The following SEZ6 variants were observed in gnomAD, a reference collection of about 807,000 sequenced individuals.
SEZ6 encodes seizure related 6 homolog, also known as seizure protein 6 homolog.
A neutral mutation model predicts 101.0 loss-of-function variants in SEZ6; 53 were observed. That is an observed-to-expected ratio of 0.52 (90% CI 0.42 to 0.66). The LOEUF is 0.66. Ranked by LOEUF, SEZ6 falls within the 30% of genes least tolerant of loss-of-function variation. The probability of loss-of-function intolerance (pLI) is 0.00; values close to 1 mark genes in which losing one functional copy is unlikely to be tolerated. For missense variants in SEZ6, 1,102 were observed against 1,289.4 expected (o/e 0.85, Z 2.23); for synonymous variants, 488 against 512.2 (o/e 0.95, Z 0.64).
rs1047478756 is a variant in SEZ6 at position 29,005,414 on chromosome 17, C to A, written c.55+401G>T. 1.3e-5 allele frequency among the ~76,000 whole-genome samples: 2 copies of A among 152,130 alleles called. No individual in the cohort carries two copies. Among genetic ancestry groups the A allele is most frequent in the South Asian group, 2.1e-4 (1 of 4,834 alleles). On this transcript the variant is annotated intron_variant, in intron 1 of 16. Transcript: ENST00000317338. The surrounding 1 kb of genome is among the most constrained non-coding windows in gnomAD (Gnocchi z 4.8). ...GCGGGCGGCAGGGGAAGCGGGACCA[C>A]GGGCCGCCAGCTGGACCGTCCCGAC...
In SEZ6 at chr17:28,959,539, G is replaced by A. The variant is rs897025631; in HGVS notation, c.1772-67C>T. ...CCATGGTGTTGCTTACCATCTGCCCGCAGGAGTGCCCACAAATTGCTGGGA... is the reference window on the plus strand; with the variant it reads ...CCATGGTGTTGCTTACCATCTGCCCACAGGAGTGCCCACAAATTGCTGGGA... On this transcript the variant is annotated intron_variant, in intron 8 of 16. Transcript: ENST00000317338. This position sits in a 1 kb window ranked among gnomAD's most constrained non-coding sequence, Gnocchi z 4.4. The A allele has an allele frequency of 1.8e-5, 29 of 1,577,852 alleles. 1 individual carries two copies. In the African/African-American group the frequency reaches 2.1e-4, roughly 12 times the overall value.
rs1370261048 is a variant in SEZ6 at position 29,005,875 on chromosome 17, T to C, written c.-6A>G. On this transcript the variant is annotated 5_prime_UTR_variant, in exon 1 of 17. Coordinates refer to ENST00000317338, the MANE Select transcript of SEZ6 (RefSeq NM_178860.5). The surrounding 1 kb of genome is among the most constrained non-coding windows in gnomAD (Gnocchi z 4.8). ...AGCAGGGCTACCGGGCGCATGGTGCTGGTTGCGGCCGCGCCCTGGGCTGGG... is the reference window on the plus strand; with the variant it reads ...AGCAGGGCTACCGGGCGCATGGTGCCGGTTGCGGCCGCGCCCTGGGCTGGG... 5 of 1,455,094 alleles carry C rather than the reference T, an allele frequency of 3.4e-6. No individual in the cohort carries two copies. Among genetic ancestry groups the C allele is most frequent in the Admixed American group, 2.3e-5 (1 of 44,182 alleles). 90.1% of individuals were successfully genotyped at this position (1,455,094 alleles called of 1,614,324 possible).
intron 3 of SEZ6, among the ~76,000 whole-genome samples, chr17:28,974,454 A>G (rs2041194960): frequency 1.3e-5 from 2 of 152,214 alleles, no homozygotes; most frequent in African/African-American, 2.4e-5. Context: ...GCTCCCTCAC[A>G]GCAACCATAG....
chr17:28,994,520 C>T (rs1360185829), intron 1 of SEZ6, among the ~76,000 whole-genome samples: 2 of 151,464 alleles, frequency 1.3e-5, no homozygotes, highest in Admixed American at 6.6e-5. Flanking sequence ...ATGATCCGCC[C>T]GCCTCAGCCT....
At chr17:28,980,980 C>G (rs550785147) in intron 2 of SEZ6, among the ~76,000 whole-genome samples, 1 of 152,236 alleles carries the variant, frequency 6.6e-6, no homozygotes, top group African/African-American at 2.4e-5. Flanking sequence ...ACTGCAACCT[C>G]TGCCTCCCAG....
Position 28,979,668 on chromosome 17 carries a change from C to G in SEZ6, c.858+12G>C. The G allele has an allele frequency of 6.2e-7, 1 of 1,613,920 alleles. No homozygotes were observed. Among genetic ancestry groups the G allele is most frequent in the Non-Finnish European group, 8.5e-7 (1 of 1,179,834 alleles). On this transcript the variant is annotated intron_variant, in intron 3 of 16. Transcript: ENST00000317338. ...GCCCCAGCTTTGCCCTTGCCAGATC[C>G]AGATCACTCACCTTGATTTCCACGC... is the stretch of plus-strand genomic sequence containing the variant.
chr17:28,968,346 C>T (rs529449543), intron 4 of SEZ6, among the ~76,000 whole-genome samples: 1 of 152,358 alleles, frequency 6.6e-6, no homozygotes, highest in Admixed American at 6.5e-5. Context: ...CCAGCTCTTC[C>T]AGCCCTTCCT....
At chr17:28,990,780 T>C (rs1219426781) in intron 1 of SEZ6, among the ~76,000 whole-genome samples, 1 of 151,692 alleles carries the variant, frequency 6.6e-6, no homozygotes, top group East Asian at 1.9e-4. Context: ...GACTCCCGAA[T>C]AATAGTAATA....
intron 1 of SEZ6, 130 bp from the exon 2 acceptor site, chr17:28,982,169 T>C (rs1319364133): frequency 1.4e-6 from 2 of 1,413,794 alleles, no homozygotes; most frequent in African/African-American, 2.9e-5. Flanking sequence ...CTGCTGAGAA[T>C]CACGGAACTA....
chr17:28,956,009 AAACTTGT>A lies in SEZ6; in HGVS notation c.2953-22_2953-16del. On this transcript the variant is annotated splice_polypyrimidine_tract_variant and intron_variant, in intron 16 of 16. Coordinates refer to ENST00000317338, the MANE Select transcript of SEZ6 (RefSeq NM_178860.5). ...AAGGAAAGAGACTGCTGGGAGTTGG[AAACTTGT>A]ATTAGGTTTGCCAGGCCATAATTCA... is the stretch of plus-strand genomic sequence containing the variant. 6.2e-7 allele frequency: 1 copy of A among 1,612,448 alleles called. No homozygotes were observed. The highest frequency in any genetic ancestry group is 8.5e-7 in the Non-Finnish European group (1 of 1,179,278).
At chr17:28,961,354 C>T (rs763369201) in intron 5 of SEZ6, among the ~76,000 whole-genome samples, 1 of 152,148 alleles carries the variant, frequency 6.6e-6, no homozygotes, top group Non-Finnish European at 1.5e-5. Flanking sequence ...GGGCTTCAAC[C>T]TTCTTGGATA....
At chr17:28,963,486 G>T (rs2041018111) in intron 5 of SEZ6, among the ~76,000 whole-genome samples, 1 of 152,152 alleles carries the variant, frequency 6.6e-6, no homozygotes, top group Admixed American at 6.5e-5. Flanking sequence ...GCCAAACCTG[G>T]CTGTCTTCTG....
chr17:28,965,431 G>A (rs1377988208), intron 4 of SEZ6, among the ~76,000 whole-genome samples: 2 of 152,158 alleles, frequency 1.3e-5, no homozygotes, highest in Non-Finnish European at 2.9e-5. Context: ...TTGAGGCCAG[G>A]AGTTCAAGAG....
At position 28,959,771 on chromosome 17, in the gene SEZ6, C is replaced by T; in HGVS notation, c.1698G>A (p.Glu566=). ...EFSCDPGYTL[E]QGSIIIECVD... The stretch of plus-strand genomic sequence containing the variant: ...CACACTCGATGATGATGGAGCCCTG[C>T]TCCAGGGTGTAGCCAGGGTCGCAGC... The change falls in exon 8 of 17, where the codon GAG becomes GAA. Residue 566 remains glutamate (E), a synonymous_variant. Transcript: ENST00000317338. The surrounding 1 kb of genome is among the most constrained non-coding windows in gnomAD (Gnocchi z 4.4). 1 of 1,613,596 alleles carries T rather than the reference C, an allele frequency of 6.2e-7. No individual in the cohort carries two copies.
chr17:28,980,527 G>T (rs896319404), intron 2 of SEZ6, among the ~76,000 whole-genome samples: 2 of 151,730 alleles, frequency 1.3e-5, no homozygotes, highest in African/African-American at 4.8e-5. Context: ...CCCCCACTAC[G>T]CCCGGCTAAT....
intron 4 of SEZ6, among the ~76,000 whole-genome samples, chr17:28,965,913 C>T (rs772589231): frequency 1.3e-5 from 2 of 149,098 alleles, no homozygotes; most frequent in African/African-American, 2.5e-5. Flanking sequence ...CTGAGGTGGA[C>T]GGATGGCCTG....
chr17:29,003,069 G>C (rs959419840), intron 1 of SEZ6, among the ~76,000 whole-genome samples: 2 of 152,160 alleles, frequency 1.3e-5, no homozygotes, highest in Admixed American at 1.3e-4. Context: ...CAGTCTCAGC[G>C]GCTTCCACCT....
chr17:28,971,917 TC>T (rs1283345839), intron 3 of SEZ6, among the ~76,000 whole-genome samples: 1 of 152,226 alleles, frequency 6.6e-6, no homozygotes, highest in Non-Finnish European at 1.5e-5. Flanking sequence ...ACACTTCCCA[TC>T]CCCAACTCAT....
intron 1 of SEZ6, among the ~76,000 whole-genome samples, chr17:29,004,546 G>A (rs2041658941): frequency 6.6e-6 from 1 of 152,146 alleles, no homozygotes; most frequent in African/African-American, 2.4e-5. Context: ...TGCGTCTCCG[G>A]GGCCACAGTT....
Sources: gnomAD v4.1 joint callset for allele counts (sites outside exome capture counted in the v4.1 genomes callset) on GRCh38, gnomAD v4.1.1 for gene constraint, Gnocchi (gnomAD v3.1) non-coding constraint, MANE v1.5 for transcripts, NCBI Gene and HGNC (gene_info 2026-07-23, HGNC 2026-07-21) for gene names.